The following PAIP2B variants were observed in gnomAD, a reference collection of about 807,000 sequenced individuals.
PAIP2B encodes the protein polyadenylate-binding protein-interacting protein 2B.
A neutral mutation model predicts 17.0 loss-of-function variants in PAIP2B; 13 were observed. The observed-to-expected ratio is 0.76, with a 90% CI of 0.50 to 1.22. The LOEUF is 1.22. Among genes scored for constraint, PAIP2B ranks in the 50% most tolerant of loss-of-function variants. PAIP2B has a pLI of 0.00. For missense variants in PAIP2B, 117 were observed against 144.5 expected, an observed-to-expected ratio of 0.81 and a Z score of 0.98; for synonymous variants, 43 against 48.7, an observed-to-expected ratio of 0.88 and a Z score of 0.48.
At chr2:71,201,875 C>A (rs1463832758) in intron 2 of PAIP2B, among the ~76,000 whole-genome samples, 1 of 152,052 alleles carries the variant, frequency 6.6e-6, no homozygotes, top group Non-Finnish European at 1.5e-5. Flanking sequence ...ACTGGGCTTC[C>A]TAGGATTAAA....
chr2:71,188,269 C>T lies in PAIP2B; in HGVS notation c.*210G>A, dbSNP rs1674593976. 2.0e-6 allele frequency: 1 copy of T among 506,004 alleles called. No individual in the cohort carries two copies. The highest frequency in any genetic ancestry group is 1.9e-5 in the African/African-American group (1 of 51,738). The allele number at this position is 506,004 out of a possible 1,614,324, so 31.3% of individuals were successfully genotyped here. On this transcript the variant is annotated 3_prime_UTR_variant, in exon 4 of 4. Coordinates refer to ENST00000244221, the MANE Select transcript of PAIP2B (RefSeq NM_020459.1). ...AAAACAAAACAGGAAACTCCCCAAA[C>T]AAAAGTCAGCAGAACAAAATAGAAA...
In PAIP2B at chr2:71,202,708, T is replaced by C. The variant is rs987549943; in HGVS notation, c.-11-108A>G. The stretch of plus-strand genomic sequence containing the variant: ...AGCTTCTGAAATTCTAAGTCAAAGA[T>C]TTTAACTATAGATAAACAGAAACTT... On this transcript the variant is annotated intron_variant, in intron 1 of 3. Coordinates refer to ENST00000244221, the MANE Select transcript of PAIP2B (RefSeq NM_020459.1). 4 of 966,164 alleles carry C rather than the reference T, an allele frequency of 4.1e-6. No homozygotes were observed. In the East Asian group the frequency reaches 1.0e-4, roughly 24 times the overall value. The allele number at this position is 966,164 out of a possible 1,614,324, so 59.8% of individuals were successfully genotyped here. A position where few individuals can be genotyped will look rare whatever the true frequency, so the allele number is the denominator to read the frequency against.
chr2:71,221,323 TCG>T (rs1365918700), intron 1 of PAIP2B, among the ~76,000 whole-genome samples: 3 of 152,262 alleles, frequency 2.0e-5, no homozygotes, highest in Non-Finnish European at 2.9e-5. Context: ...CCTGCTAGTC[TCG>T]GTTTGGAATG....
At chr2:71,196,614 T>C (rs1470268116) in intron 2 of PAIP2B, among the ~76,000 whole-genome samples, 2 of 152,134 alleles carry the variant, frequency 1.3e-5, no homozygotes, top group Non-Finnish European at 2.9e-5. Flanking sequence ...TATAGAAGTC[T>C]CACATTATTA....
intron 1 of PAIP2B, among the ~76,000 whole-genome samples, chr2:71,226,513 G>T (rs996041429): frequency 9.9e-5 from 15 of 152,200 alleles, no homozygotes; most frequent in South Asian, 2.1e-4. Context: ...TCCCGCTCCA[G>T]CCCGGGGAGA....
At chr2:71,198,429 G>C (rs1185538263) in intron 2 of PAIP2B, among the ~76,000 whole-genome samples, 7 of 151,966 alleles carry the variant, frequency 4.6e-5, no homozygotes, top group African/African-American at 1.7e-4. Context: ...GGGACTACAG[G>C]CGCCCGCTAC....
At chr2:71,191,069 ACT>A (rs1674675591) in intron 2 of PAIP2B, among the ~76,000 whole-genome samples, 1 of 152,116 alleles carries the variant, frequency 6.6e-6, no homozygotes, top group African/African-American at 2.4e-5. Context: ...AGTGTGGTTC[ACT>A]CTGCAGATTT....
intron 2 of PAIP2B, among the ~76,000 whole-genome samples, chr2:71,200,301 C>T (rs1472507125): frequency 1.1e-4 from 16 of 152,100 alleles, no homozygotes; most frequent in Non-Finnish European, 1.6e-4. Context: ...AACTGTACAG[C>T]ACACCATAGT....
At chr2:71,212,308 C>T (rs544316560) in intron 1 of PAIP2B, among the ~76,000 whole-genome samples, 11 of 152,298 alleles carry the variant, frequency 7.2e-5, no homozygotes, top group Non-Finnish European at 1.6e-4. Flanking sequence ...TTTGAGAGAG[C>T]ATCACTCATT....
intron 2 of PAIP2B, among the ~76,000 whole-genome samples, chr2:71,192,155 AACT>A (rs1271233215): frequency 6.6e-6 from 1 of 152,214 alleles, no homozygotes; most frequent in Non-Finnish European, 1.5e-5. Flanking sequence ...GGAGAGCAGA[AACT>A]AGATTTTTAG....
rs934715436 is a variant in PAIP2B at position 71,182,777 on chromosome 2, T to C, written c.*5702A>G. ...TATTGAGATTCTCAACAGCTGCCAT[T>C]TGGTTTGTATAGCAAATTTTTTACA... On this transcript the variant is annotated 3_prime_UTR_variant, in exon 4 of 4. Transcript: ENST00000244221. 3 of 152,208 alleles carry C rather than the reference T, an allele frequency of 2.0e-5. No individual in the cohort carries two copies. Among genetic ancestry groups the C allele is most frequent in the African/African-American group, 7.2e-5 (3 of 41,438 alleles). 9.4% of individuals were successfully genotyped at this position (152,208 alleles called of 1,614,324 possible).
chr2:71,194,218 T>A lies in PAIP2B; in HGVS notation c.139-4197A>T, dbSNP rs576289554. Among the ~76,000 whole-genome samples, 28 of 151,698 alleles carry A rather than the reference T, an allele frequency of 1.8e-4. No individual in the cohort carries two copies. In the South Asian group the frequency reaches 5.6e-3, roughly 31 times the overall value. On this transcript the variant is annotated intron_variant, in intron 2 of 3. Coordinates refer to ENST00000244221, the MANE Select transcript of PAIP2B (RefSeq NM_020459.1). Reference sequence around the variant, plus strand: ...CTATTCGTGCACTTTTTAGGTTCCATATAAATTTTGAAATATTTTTTTCTA... The same window carrying A: ...CTATTCGTGCACTTTTTAGGTTCCAAATAAATTTTGAAATATTTTTTTCTA...
chr2:71,193,760 A>G (rs1050733259), intron 2 of PAIP2B, among the ~76,000 whole-genome samples: 9 of 152,134 alleles, frequency 5.9e-5, no homozygotes, highest in African/African-American at 1.9e-4. Context: ...AGGCTGAGGC[A>G]GGAGAATGGC....
chr2:71,206,063 T>G (rs13005580), intron 1 of PAIP2B, among the ~76,000 whole-genome samples: 1 of 152,198 alleles, frequency 6.6e-6, no homozygotes, highest in African/African-American at 2.4e-5. Flanking sequence ...ACAGAAATTA[T>G]GAAATAATAA....
At chr2:71,212,438 G>T (rs983281960) in intron 1 of PAIP2B, among the ~76,000 whole-genome samples, 7 of 152,112 alleles carry the variant, frequency 4.6e-5, no homozygotes, top group African/African-American at 1.7e-4. Context: ...TCTGTTAACT[G>T]CCATTTTTAG....
intron 2 of PAIP2B, among the ~76,000 whole-genome samples, chr2:71,199,026 G>A (rs1572926108): frequency 6.6e-6 from 1 of 152,214 alleles, no homozygotes; most frequent in East Asian, 1.9e-4. Context: ...AATCAACTTA[G>A]TTGATAAAGC....
intron 2 of PAIP2B, among the ~76,000 whole-genome samples, chr2:71,201,964 TA>T (rs111293711): frequency 6.6e-6 from 1 of 152,348 alleles, no homozygotes; most frequent in African/African-American, 2.4e-5. Context: ...CTAAGATTGA[TA>T]AGAGTCTTGT....
chr2:71,202,346 T>A, intron 2 of PAIP2B, 106 bp downstream of exon 2: 7 of 1,424,194 alleles, frequency 4.9e-6, no homozygotes, highest in Non-Finnish European at 6.6e-6. Context: ...TAAGTTATTC[T>A]AAAGCTAACT....
chr2:71,222,222 C>T (rs1055795514), intron 1 of PAIP2B, among the ~76,000 whole-genome samples: 1 of 152,208 alleles, frequency 6.6e-6, no homozygotes, highest in African/African-American at 2.4e-5. Context: ...TATTGTGTGA[C>T]TGTGGCATAC....
Sources: gnomAD v4.1 joint callset for allele counts (sites outside exome capture counted in the v4.1 genomes callset) on GRCh38, gnomAD v4.1.1 for gene constraint, MANE v1.5 for transcripts, NCBI Gene and HGNC (gene_info 2026-07-23, HGNC 2026-07-21) for gene names.